ARID5B: variants seen among roughly 807,000 people sequenced by gnomAD.
The protein encoded by ARID5B is AT-rich interactive domain-containing protein 5B.
Under a neutral mutation model 97.2 loss-of-function variants are expected in ARID5B, and 13 were observed. The ratio of observed to expected loss-of-function variants is 0.13; its 90% CI spans 0.09 to 0.21. The LOEUF is 0.21. Among genes scored for constraint, ARID5B ranks in the 10% least tolerant of loss-of-function variants. The pLI is 1.00. For missense variants in ARID5B, 1,210 were observed against 1,465.3 expected (o/e 0.83, Z 2.84); for synonymous variants, 556 against 570.3 (o/e 0.97, Z 0.36).
chr10:62,002,821 A>C (rs1839097689), intron 4 of ARID5B, among the ~76,000 whole-genome samples: 1 of 152,158 alleles, frequency 6.6e-6, no homozygotes, highest in Admixed American at 6.5e-5. Flanking sequence ...CAGGGGGCCC[A>C]CAGATGAATT....
intron 4 of ARID5B, among the ~76,000 whole-genome samples, chr10:62,030,117 CTTTTCT>C (rs976390071): frequency 2.6e-5 from 4 of 151,538 alleles, no homozygotes; most frequent in Non-Finnish European, 4.4e-5. Flanking sequence ...CAGGGTTTTT[CTTTTCT>C]TTTTCTTTTT....
chr10:61,922,920 T>C (rs149336525), intron 2 of ARID5B, among the ~76,000 whole-genome samples: 2,494 of 152,338 alleles, frequency 0.016, 28 homozygotes, highest in Non-Finnish European at 0.024. Context: ...CATACATATG[T>C]AGGCATTAGA....
At chr10:62,008,450 G>A (rs1000169797) in intron 4 of ARID5B, among the ~76,000 whole-genome samples, 7 of 152,280 alleles carry the variant, frequency 4.6e-5, no homozygotes, top group Admixed American at 1.3e-4. Context: ...ATAACTGATC[G>A]CTAGCTTTCT....
chr10:62,008,385 G>C (rs1026192735), intron 4 of ARID5B, among the ~76,000 whole-genome samples: 2 of 152,174 alleles, frequency 1.3e-5, no homozygotes, highest in African/African-American at 4.8e-5. Flanking sequence ...TCTCAGCCCA[G>C]ACCCTGCTCA....
Position 62,092,110 on chromosome 10 carries a change from T to G in ARID5B, c.2647T>G (p.Tyr883Asp). ...HRHQEKLHVN[Y>D]LTSLHLQDKK... is the part of the protein sequence containing the mutation. ...ACACCAAGAAAAGCTCCATGTAAAT[T>G]ATCTCACGTCCCTGCACCTGCAAGA... The change falls in exon 10 of 10, where the codon TAT (tyrosine) becomes GAT (aspartate). Residue 883 changes from tyrosine (Y) to aspartate (D), a missense_variant. Physicochemically the swap from Tyr to Asp is radical, Grantham distance 160. This residue lies in a region of ARID5B where 800 missense variants were observed against 839.1 expected (regional missense o/e 0.95). Transcript: ENST00000279873. 2 of 1,612,494 alleles carry G rather than the reference T, an allele frequency of 1.2e-6. No individual in the cohort carries two copies. Among genetic ancestry groups the G allele is most frequent in the East Asian group, 4.5e-5 (2 of 44,870 alleles).
rs555654242 is a variant in ARID5B, at chr10:61,987,151, G to A, written c.503-12940G>A. 8.5e-5 allele frequency among the ~76,000 whole-genome samples: 13 copies of A among 152,274 alleles called. 1 individual carries two copies. Among genetic ancestry groups the A allele is most frequent in the African/African-American group, 2.9e-4 (12 of 41,554 alleles). On this transcript the variant is annotated intron_variant, in intron 3 of 9. Coordinates refer to ENST00000279873, the MANE Select transcript of ARID5B (RefSeq NM_032199.3). ...CAACTTCTCACTCTTTCCCACATGC[G>A]ATCTGTTAGGTGTCTCCCATTGGCT... is the stretch of plus-strand genomic sequence containing the variant.
intron 2 of ARID5B, among the ~76,000 whole-genome samples, chr10:61,917,731 G>A (rs530511013): frequency 1.6e-4 from 25 of 152,310 alleles, no homozygotes; most frequent in South Asian, 6.2e-4. Context: ...AAAAAGAACC[G>A]TTGGTCCCAA....
intron 4 of ARID5B, among the ~76,000 whole-genome samples, chr10:62,012,007 A>AG (rs1360653866): frequency 6.6e-6 from 1 of 152,008 alleles, no homozygotes; most frequent in Non-Finnish European, 1.5e-5. Context: ...AGGAGGGGAA[A>AG]AAAAAAAGTA....
intron 3 of ARID5B, among the ~76,000 whole-genome samples, chr10:61,970,546 G>T (rs1838611809): frequency 1.3e-5 from 2 of 152,166 alleles, no homozygotes; most frequent in African/African-American, 4.8e-5. Context: ...AAGGAAAAAT[G>T]GTCTGGATCC....
intron 2 of ARID5B, among the ~76,000 whole-genome samples, chr10:61,932,406 T>C (rs1844225747): frequency 6.6e-6 from 1 of 150,506 alleles, no homozygotes; most frequent in African/African-American, 2.4e-5. Flanking sequence ...TTTTTCTTTT[T>C]CTTTTTCTTT....
chr10:62,069,906 A>G, intron 8 of ARID5B, 109 bp downstream of exon 8: 1 of 1,096,240 alleles, frequency 9.1e-7, no homozygotes. Context: ...GGAAACTGAA[A>G]ATTTCCCTCT....
At chr10:62,068,858 T>A (rs376786848) in intron 7 of ARID5B, among the ~76,000 whole-genome samples, 1 of 152,324 alleles carries the variant, frequency 6.6e-6, no homozygotes, top group Admixed American at 6.5e-5. Flanking sequence ...TTAATTTTTG[T>A]ACAAAAATAA....
At chr10:62,043,607 G>A (rs1046123373) in intron 4 of ARID5B, among the ~76,000 whole-genome samples, 2 of 152,190 alleles carry the variant, frequency 1.3e-5, no homozygotes, top group East Asian at 1.9e-4. Flanking sequence ...CAATACAGAT[G>A]AGCTAGGAAG....
chr10:61,922,603 A>C (rs1844037305), intron 2 of ARID5B, among the ~76,000 whole-genome samples: 1 of 152,192 alleles, frequency 6.6e-6, no homozygotes, highest in Admixed American at 6.5e-5. Context: ...ACTCCGTCTC[A>C]AAAAAAGAAA....
intron 5 of ARID5B, 76 bp downstream of exon 5, chr10:62,051,076 C>T: frequency 8.0e-7 from 1 of 1,247,122 alleles, no homozygotes; most frequent in Non-Finnish European, 1.2e-6. Flanking sequence ...CTCTCTGTGC[C>T]TGTGTCTTGG....
intron 3 of ARID5B, among the ~76,000 whole-genome samples, chr10:61,968,727 C>T (rs1045400968): frequency 3.3e-5 from 5 of 152,176 alleles, no homozygotes. Context: ...CTGTTCTTCT[C>T]ATATACAGTG....
intron 7 of ARID5B, among the ~76,000 whole-genome samples, chr10:62,065,851 A>T (rs1203474346): frequency 6.7e-6 from 1 of 150,018 alleles, no homozygotes; most frequent in Non-Finnish European, 1.5e-5. Context: ...GTCTCAAAAA[A>T]AAAAAAAAAA....
chr10:62,086,004 C>A, intron 9 of ARID5B, 104 bp downstream of exon 9: 1 of 1,223,370 alleles, frequency 8.2e-7, no homozygotes, highest in Non-Finnish European at 1.1e-6. Context: ...AGTTGGATGG[C>A]TTGATGAAGA....
chr10:62,017,152 G>T (rs72833385), intron 4 of ARID5B, among the ~76,000 whole-genome samples: 2,683 of 152,310 alleles, frequency 0.018, 42 homozygotes, highest in Non-Finnish European at 0.028. Context: ...ACATACGTTT[G>T]TATATTCATA....
Sources: gnomAD v4.1 joint callset for allele counts (sites outside exome capture counted in the v4.1 genomes callset) on GRCh38, gnomAD v4.1.1 for gene constraint, gnomAD v4.1.1 regional missense constraint, MANE v1.5 for transcripts, NCBI Gene and HGNC (gene_info 2026-07-23, HGNC 2026-07-21) for gene names.